Variants in TMOD1 observed in about 807,000 individuals in gnomAD.
TMOD1 encodes the protein tropomodulin 1.
TMOD1 carries 17 observed loss-of-function variants against 40.6 expected under a neutral mutation model. The ratio of observed to expected loss-of-function variants is 0.42; its 90% CI spans 0.29 to 0.63. The LOEUF (loss-of-function observed/expected upper bound fraction) is 0.63, where lower values mean the gene tolerates loss of function less well. Among genes scored for constraint, TMOD1 ranks in the 20% least tolerant of loss-of-function variants. The probability of loss-of-function intolerance (pLI) is 0.22; values close to 1 mark genes in which losing one functional copy is unlikely to be tolerated. For missense variants in TMOD1, 391 were observed against 447.6 expected (o/e 0.87, Z 1.14); for synonymous variants, 181 against 175.0 (o/e 1.03, Z -0.27).
chr9:97,580,760 C>G (rs890879185), intron 8 of TMOD1, among the ~76,000 whole-genome samples: 4 of 152,092 alleles, frequency 2.6e-5, no homozygotes, highest in African/African-American at 9.7e-5. Context: ...CGAAATATTT[C>G]CATCACAGGG....
chr9:97,559,759 C>T (rs62560479), intron 4 of TMOD1, among the ~76,000 whole-genome samples: 24,632 of 110,216 alleles, frequency 0.22, 2,782 homozygotes, highest in South Asian at 0.36. Context: ...AGCGAGACTC[C>T]GCCTCAAAAA....
chr9:97,514,474 G>T (rs903541346), intron 1 of TMOD1, among the ~76,000 whole-genome samples: 1 of 152,082 alleles, frequency 6.6e-6, no homozygotes, highest in Non-Finnish European at 1.5e-5. Context: ...TTTCAATGAA[G>T]TATGTGCCAG....
intron 8 of TMOD1, among the ~76,000 whole-genome samples, chr9:97,587,697 A>G (rs1486759028): frequency 1.3e-5 from 2 of 152,154 alleles, no homozygotes; most frequent in African/African-American, 4.8e-5. Flanking sequence ...ATCTAATTCT[A>G]GAAAATTTTT....
Position 97,553,412 on chromosome 9 carries a change from T to A in TMOD1, c.397+12T>A. ...CTGTGACATTGCAGGTAAGAGGCGT[T>A]CCAGGAGCTTTCCACATCCTCCAGA... is the stretch of plus-strand genomic sequence containing the variant. On this transcript the variant is annotated intron_variant, in intron 4 of 9. Transcript: ENST00000259365. 2 of 1,614,054 alleles carry A rather than the reference T, an allele frequency of 1.2e-6. No homozygotes were observed. The highest frequency in any genetic ancestry group is 1.7e-6 in the Non-Finnish European group (2 of 1,179,926).
chr9:97,576,629 CTT>C (rs11326860), intron 8 of TMOD1, among the ~76,000 whole-genome samples: 2,046 of 144,598 alleles, frequency 0.014, 92 homozygotes, highest in East Asian at 0.12. Context: ...ATGATGGTTA[CTT>C]TTTTTTTTTT....
At chr9:97,581,846 GT>G (rs200744736) in intron 8 of TMOD1, among the ~76,000 whole-genome samples, 2,180 of 148,914 alleles carry the variant, frequency 0.015, 54 homozygotes, top group East Asian at 0.086. Flanking sequence ...GGGGTTGTTT[GT>G]TTTTTTTCTT....
intron 2 of TMOD1, among the ~76,000 whole-genome samples, chr9:97,536,834 G>C (rs567931682): frequency 4.9e-4 from 74 of 152,302 alleles, no homozygotes; most frequent in African/African-American, 1.7e-3. Context: ...GGGACCGCCA[G>C]AGCCCAGACC....
chr9:97,510,570 G>A (rs1326445514), intron 1 of TMOD1, among the ~76,000 whole-genome samples: 1 of 152,116 alleles, frequency 6.6e-6, no homozygotes, highest in East Asian at 1.9e-4. Context: ...TTTGACTTAC[G>A]GCTATCAAAG....
At chr9:97,539,882 C>T (rs760026107) in intron 2 of TMOD1, among the ~76,000 whole-genome samples, 4 of 143,622 alleles carry the variant, frequency 2.8e-5, no homozygotes, top group Admixed American at 7.3e-5. Context: ...AGGAGAATGG[C>T]GTGAACCTGG....
rs71308254 is a variant in TMOD1 at position 97,546,929 on chromosome 9, CAAAAAA to C, written c.277+606_277+611del. Among the ~76,000 whole-genome samples the C allele has an allele frequency of 1.1e-3, 62 of 55,192 alleles. 2 individuals carry two copies. The highest frequency in any genetic ancestry group is 4.2e-3 in the African/African-American group (58 of 13,714). 36.2% of individuals were successfully genotyped at this position (55,192 alleles called of 152,430 possible). ...GGGCAACAGAGTAAGACTCCGTCTCCAAAAAAAAAAAAAAAAAAAAAAAGACATCAG... is the reference window on the plus strand; with the variant it reads ...GGGCAACAGAGTAAGACTCCGTCTCCAAAAAAAAAAAAAAAAAGACATCAG... On this transcript the variant is annotated intron_variant, in intron 3 of 9. Transcript: ENST00000259365.
In TMOD1 at chr9:97,599,677, C is replaced by G. The variant is rs1826209632; in HGVS notation, c.1059C>G (p.Pro353=). Residue 353 remains proline, a synonymous_variant, in exon 10 of 10, where the codon CCC becomes CCG. Transcript: ENST00000259365. ...RLADLTGPII[P]KCRSGV Reference sequence around the variant, plus strand: ...CGGACCTGACTGGGCCCATCATTCCCAAGTGCCGGAGTGGTGTCTAGTGTG... The same window carrying G: ...CGGACCTGACTGGGCCCATCATTCCGAAGTGCCGGAGTGGTGTCTAGTGTG... 1 of 1,614,154 alleles carries G rather than the reference C, an allele frequency of 6.2e-7. No individual in the cohort carries two copies. Among genetic ancestry groups the G allele is most frequent in the Non-Finnish European group, 8.5e-7 (1 of 1,180,016 alleles).
intron 4 of TMOD1, chr9:97,555,504 T>C: frequency 6.9e-7 from 1 of 1,444,700 alleles, no homozygotes; most frequent in Non-Finnish European, 9.1e-7. Flanking sequence ...TCTCTTTATT[T>C]TTGTTGGCGT....
intron 1 of TMOD1, among the ~76,000 whole-genome samples, chr9:97,506,517 A>G (rs578212804): frequency 1.5e-4 from 23 of 152,190 alleles, no homozygotes; most frequent in African/African-American, 5.5e-4. Context: ...CTCCTACCCG[A>G]CCAAATCATC....
intron 1 of TMOD1, 79 bp from the exon 2 acceptor site, chr9:97,524,062 G>A (rs1391624236): frequency 1.9e-6 from 2 of 1,061,214 alleles, no homozygotes; most frequent in East Asian, 4.9e-5. Context: ...CCAGGCCGCT[G>A]TGTGAACGAT....
At chr9:97,543,094 G>T (rs972557135) in intron 2 of TMOD1, among the ~76,000 whole-genome samples, 9 of 152,130 alleles carry the variant, frequency 5.9e-5, no homozygotes, top group Non-Finnish European at 1.2e-4. Context: ...AGATAGATTC[G>T]AAAAGAGATG....
rs1483374557 is a variant in TMOD1 at position 97,557,404 on chromosome 9, G to C, written c.397+4004G>C. 6.6e-6 allele frequency among the ~76,000 whole-genome samples: 1 copy of C among 152,150 alleles called. No homozygotes were observed. Among genetic ancestry groups the C allele is most frequent in the South Asian group, 2.1e-4 (1 of 4,830 alleles). On this transcript the variant is annotated intron_variant, in intron 4 of 9. Transcript: ENST00000259365. This position sits in a 1 kb window ranked among gnomAD's most constrained non-coding sequence, Gnocchi z 4.4. ...TTCAGGTGGGGCAGAACCCAGGAAG[G>C]AAGTGGGGTAGGGAGACTCATCGTT...
intron 8 of TMOD1, among the ~76,000 whole-genome samples, chr9:97,578,599 A>G (rs1178242040): frequency 6.6e-6 from 1 of 152,168 alleles, no homozygotes; most frequent in Non-Finnish European, 1.5e-5. Flanking sequence ...GGTCAAGGTC[A>G]AGCCTTGGCT....
At chr9:97,509,760 G>A (rs1829665794) in intron 1 of TMOD1, among the ~76,000 whole-genome samples, 2 of 152,132 alleles carry the variant, frequency 1.3e-5, no homozygotes, top group African/African-American at 2.4e-5. Flanking sequence ...TCTGTGTGAG[G>A]ACACTGGTCT....
At chr9:97,554,544 G>A (rs1367906753) in intron 4 of TMOD1, among the ~76,000 whole-genome samples, 1 of 152,114 alleles carries the variant, frequency 6.6e-6, no homozygotes, top group Non-Finnish European at 1.5e-5. Context: ...CTTTGGTGGT[G>A]GGGGTTGGGG....
Sources: allele counts gnomAD v4.1 joint callset (sites outside exome capture counted in the v4.1 genomes callset), GRCh38; gene constraint gnomAD v4.1.1; non-coding constraint Gnocchi (gnomAD v3.1); transcripts MANE v1.5; gene names NCBI Gene and HGNC (gene_info 2026-07-23, HGNC 2026-07-21).